The following IQUB variants were observed in gnomAD, a reference collection of about 807,000 sequenced individuals.
The protein encoded by IQUB is IQ motif and ubiquitin-like domain-containing protein.
Under a neutral mutation model 86.4 loss-of-function variants are expected in IQUB, and 86 were observed. The observed-to-expected ratio is 1.00, with a 90% CI of 0.84 to 1.19. IQUB has a LOEUF of 1.19. Among genes scored for constraint, IQUB ranks in the 50% most tolerant of loss-of-function variants. IQUB has a pLI of 0.00. For missense variants in IQUB, 946 were observed against 916.9 expected, an observed-to-expected ratio of 1.03 and a Z score of -0.41; for synonymous variants, 289 against 304.5, an observed-to-expected ratio of 0.95 and a Z score of 0.53.
At position 123,475,225 on chromosome 7, in the gene IQUB, A is replaced by G. The variant is rs561749524; in HGVS notation, c.1410+4570T>C. The stretch of plus-strand genomic sequence containing the variant: ...AACTTCCATTTTCCTGGAACAGAAC[A>G]ATTCTTTCTGTACTCAGGATCCTTC... On this transcript the variant is annotated intron_variant, in intron 8 of 12. Transcript: ENST00000324698. 2.0e-5 allele frequency among the ~76,000 whole-genome samples: 3 copies of G among 152,260 alleles called. No individual in the cohort carries two copies. In the South Asian group the frequency reaches 6.2e-4, roughly 32 times the overall value.
intron 1 of IQUB, among the ~76,000 whole-genome samples, chr7:123,523,577 G>A (rs1797019307): frequency 6.6e-6 from 1 of 151,574 alleles, no homozygotes; most frequent in Non-Finnish European, 1.5e-5. Flanking sequence ...AAATTTGTTT[G>A]AGTTCATTGT....
intron 1 of IQUB, among the ~76,000 whole-genome samples, chr7:123,524,212 TTAAAG>T (rs1309764343): frequency 1.4e-5 from 2 of 147,458 alleles, no homozygotes; most frequent in East Asian, 2.0e-4. Context: ...CATATGAACT[TTAAAG>T]TAGTTTTTTC....
In IQUB at chr7:123,512,316, C is replaced by A; in HGVS notation, c.25G>T (p.Glu9Ter). The change falls in exon 2 of 13, where the codon GAA becomes TAA. Residue 9 changes from glutamate (E) to a stop codon, truncating the protein, a stop_gained. Transcript: ENST00000324698. LOFTEE classifies it high-confidence loss of function. ...GTTGAATTGACTATATTCTGAGCTT[C>A]ATACTTCTCCTGTTGATTAGACATT... MSNQQEKY[E>*]AQNIVNSTEE... 6.4e-7 allele frequency: 1 copy of A among 1,574,744 alleles called. No homozygotes were observed. The highest frequency in any genetic ancestry group is 1.4e-5 in the African/African-American group (1 of 74,044).
chr7:123,503,364 C>A lies in IQUB; in HGVS notation c.533-1G>T. On this transcript the variant is annotated splice_acceptor_variant, in intron 3 of 12. Coordinates refer to ENST00000324698, the MANE Select transcript of IQUB (RefSeq NM_178827.5). LOFTEE classifies it high-confidence loss of function. ...GTCTCATTATTTTTAAGAATTTTTC[C>A]TAAAAATTGAAATAAAATTTTTAAA... The A allele has an allele frequency of 1.4e-6, 2 of 1,455,024 alleles. No individual in the cohort carries two copies. Among genetic ancestry groups the A allele is most frequent in the South Asian group, 1.3e-5 (1 of 74,846 alleles). The allele number at this position is 1,455,024 out of a possible 1,614,324, so 90.1% of individuals were successfully genotyped here.
chr7:123,512,163 C>T lies in IQUB; in HGVS notation c.178G>A (p.Val60Ile), dbSNP rs769709311. 1.2e-6 allele frequency: 2 copies of T among 1,614,068 alleles called. No individual in the cohort carries two copies. Among genetic ancestry groups the T allele is most frequent in the East Asian group, 2.2e-5 (1 of 44,858 alleles). Reference sequence around the variant, plus strand: ...AAGCTTTGGTCACTCTGCTCCTCAACATGTATTGCATGGCTCTCACTGAAT... The same window carrying T: ...AAGCTTTGGTCACTCTGCTCCTCAATATGTATTGCATGGCTCTCACTGAAT... The part of the protein sequence containing the change: ...EQFSESHAIH[V>I]EEQSDQSFSS... Residue 60 changes from valine (V) to isoleucine (I), a missense_variant, in exon 2 of 13, where the codon GTT becomes ATT. Physicochemically the swap from Val to Ile is conservative, Grantham distance 29. Transcript: ENST00000324698.
chr7:123,492,626 T>G (rs1795521845), intron 7 of IQUB, among the ~76,000 whole-genome samples: 1 of 152,088 alleles, frequency 6.6e-6, no homozygotes, highest in South Asian at 2.1e-4. Flanking sequence ...GGGGAAAGGG[T>G]AGATCCTCTG....
At chr7:123,511,185 C>T (rs1413068839) in intron 2 of IQUB, among the ~76,000 whole-genome samples, 1 of 152,078 alleles carries the variant, frequency 6.6e-6, no homozygotes, top group Non-Finnish European at 1.5e-5. Flanking sequence ...CTACATTTTA[C>T]CAGCCAAACT....
At chr7:123,466,282 C>T (rs1794258223) in intron 9 of IQUB, among the ~76,000 whole-genome samples, 1 of 152,070 alleles carries the variant, frequency 6.6e-6, no homozygotes, top group Admixed American at 6.6e-5. Flanking sequence ...ATATTTCATA[C>T]TAAACATATT....
intron 2 of IQUB, 60 bp downstream of exon 2, chr7:123,511,884 G>A (rs551741840): frequency 2.3e-6 from 3 of 1,309,732 alleles, no homozygotes; most frequent in African/African-American, 2.9e-5. Context: ...AAGCCAACAA[G>A]AAAACGCATT....
chr7:123,499,414 C>T (rs1189386165), intron 6 of IQUB, among the ~76,000 whole-genome samples: 2 of 152,028 alleles, frequency 1.3e-5, no homozygotes, highest in African/African-American at 4.8e-5. Flanking sequence ...CTGGCCTCAT[C>T]CCAAAATATT....
chr7:123,524,467 T>C (rs1229308864), intron 1 of IQUB, among the ~76,000 whole-genome samples: 2 of 150,374 alleles, frequency 1.3e-5, no homozygotes, highest in East Asian at 3.9e-4. Flanking sequence ...TTTGAAGCAA[T>C]TGTGAATGGG....
At chr7:123,454,705 C>A (rs560774755) in intron 12 of IQUB, among the ~76,000 whole-genome samples, 94 of 152,236 alleles carry the variant, frequency 6.2e-4, no homozygotes, top group Non-Finnish European at 1.2e-3. Context: ...ATATACCCCA[C>A]ACCCACATTT....
intron 11 of IQUB, chr7:123,459,563 C>T (rs1285547731): frequency 6.6e-6 from 1 of 152,020 alleles, no homozygotes; most frequent in African/African-American, 2.4e-5. Context: ...TGAACTGGGC[C>T]ATCAGCTGTT....
chr7:123,509,510 G>A (rs1796325719), intron 3 of IQUB, among the ~76,000 whole-genome samples: 1 of 151,978 alleles, frequency 6.6e-6, no homozygotes, highest in South Asian at 2.1e-4. Context: ...TCACCTCTTT[G>A]TGACTTGGCA....
In IQUB at chr7:123,503,020, T is replaced by A. The variant is rs201448433; in HGVS notation, c.791A>T (p.Glu264Val). 44 of 1,612,980 alleles carry A rather than the reference T, an allele frequency of 2.7e-5. 1 individual carries two copies. The South Asian group carries it at 3.6e-4, about 13-fold the overall frequency. The change falls in exon 5 of 13, where the codon GAG becomes GTG. Residue 264 changes from glutamate to valine, a missense_variant. Physicochemically the swap from Glu to Val is moderately radical, Grantham distance 121. Coordinates refer to ENST00000324698, the MANE Select transcript of IQUB (RefSeq NM_178827.5). ...AGTTTGTGTTCCAGCATTGTGATAC[T>A]CTACTCCTGTTACTTTATGTCTGAA... The part of the protein sequence containing the change: ...GGFRHKVTGV[E>V]YHNAGTQTVP...
rs556375794 is a variant in IQUB, at chr7:123,467,413, A to G, written c.1581+1801T>C. On this transcript the variant is annotated intron_variant, in intron 9 of 12. Transcript: ENST00000324698. Reference sequence around the variant, plus strand: ...TGTGCTGAAGAGAGCCATCTTGCCTACAGATAGACAGCTACCATCAGCTGA... The same window carrying G: ...TGTGCTGAAGAGAGCCATCTTGCCTGCAGATAGACAGCTACCATCAGCTGA... 5.0e-4 allele frequency among the ~76,000 whole-genome samples: 76 copies of G among 152,186 alleles called. 1 individual carries two copies. The highest frequency in any genetic ancestry group is 1.8e-3 in the African/African-American group (75 of 41,536).
chr7:123,510,746 G>A (rs1796379742), intron 2 of IQUB, among the ~76,000 whole-genome samples: 1 of 152,062 alleles, frequency 6.6e-6, no homozygotes, highest in African/African-American at 2.4e-5. Flanking sequence ...CAAAATTTAA[G>A]TAGGCATTGG....
chr7:123,519,886 TCA>T (rs1796825768), intron 1 of IQUB, among the ~76,000 whole-genome samples: 1 of 152,234 alleles, frequency 6.6e-6, no homozygotes, highest in African/African-American at 2.4e-5. Flanking sequence ...GTATCAAATA[TCA>T]CAGTTGCTCA....
chr7:123,498,162 G>A (rs1795787350), intron 6 of IQUB, among the ~76,000 whole-genome samples: 1 of 151,846 alleles, frequency 6.6e-6, no homozygotes, highest in Non-Finnish European at 1.5e-5. Context: ...CAGACTGGGT[G>A]AACCAATATG....
Sources: gnomAD v4.1 joint callset for allele counts (sites outside exome capture counted in the v4.1 genomes callset) on GRCh38, gnomAD v4.1.1 for gene constraint, MANE v1.5 for transcripts, NCBI Gene and HGNC (gene_info 2026-07-23, HGNC 2026-07-21) for gene names.